Variants in RIT2 observed in about 807,000 individuals in gnomAD.
The protein encoded by RIT2 is GTP-binding protein Rit2.
In RIT2, 24 loss-of-function variants were observed where a neutral mutation model predicts 23.7. The observed-to-expected ratio is 1.01, with a 90% CI of 0.73 to 1.43. The LOEUF (loss-of-function observed/expected upper bound fraction) is 1.43, where lower values mean the gene tolerates loss of function less well. RIT2 is among the 40% of genes most tolerant of loss of function. The pLI, the probability that RIT2 is intolerant of heterozygous loss-of-function variation, is 0.00. For synonymous variants in RIT2, 107 were observed against 91.1 expected, an observed-to-expected ratio of 1.17 and a Z score of -0.99; for missense variants, 236 against 266.9, an observed-to-expected ratio of 0.88 and a Z score of 0.81.
At chr18:43,058,012 G>T (rs1912550218) in intron 1 of RIT2, among the ~76,000 whole-genome samples, 2 of 152,094 alleles carry the variant, frequency 1.3e-5, no homozygotes, top group Admixed American at 6.6e-5. Flanking sequence ...GTATCAGGAA[G>T]ATTTTAATTT....
At chr18:42,965,578 G>A (rs1414817369) in intron 3 of RIT2, among the ~76,000 whole-genome samples, 1 of 151,556 alleles carries the variant, frequency 6.6e-6, no homozygotes, top group Non-Finnish European at 1.5e-5. Flanking sequence ...GTAAATCAAG[G>A]AAAAGCTGAA....
At chr18:43,077,613 T>A (rs1340941632) in intron 1 of RIT2, among the ~76,000 whole-genome samples, 1 of 152,220 alleles carries the variant, frequency 6.6e-6, no homozygotes, top group Non-Finnish European at 1.5e-5. Flanking sequence ...TAACTGGCTT[T>A]ACGGCTATGA....
rs11393575 is a variant in RIT2 at position 43,057,798 on chromosome 18, C to CTTTTTTTTTTTTTTTT, written c.104-23947_104-23932dup. On this transcript the variant is annotated intron_variant, in intron 1 of 4. Transcript: ENST00000326695. ...GAGCTAATCTTCCAAGTGATGGACA[C>CTTTTTTTTTTTTTTTT]TTTTTTTTTTTTTTTTTATCATCTA... Among the ~76,000 whole-genome samples the CTTTTTTTTTTTTTTTT allele has an allele frequency of 2.6e-3, 314 of 122,568 alleles. 21 individuals are homozygous for CTTTTTTTTTTTTTTTT. The highest frequency in any genetic ancestry group is 7.0e-3 in the African/African-American group (229 of 32,900). The allele number at this position is 122,568 out of a possible 152,430, so 80.4% of individuals were successfully genotyped here.
chr18:42,927,523 C>T (rs1239485573), intron 3 of RIT2, among the ~76,000 whole-genome samples: 1 of 151,794 alleles, frequency 6.6e-6, no homozygotes, highest in Non-Finnish European at 1.5e-5. Context: ...AGGAAAAATG[C>T]TGTGTTCAAC....
At chr18:43,075,473 CTG>C (rs1242714709) in intron 1 of RIT2, among the ~76,000 whole-genome samples, 4 of 152,078 alleles carry the variant, frequency 2.6e-5, no homozygotes, top group Admixed American at 2.6e-4. Context: ...AGTTTAGAAA[CTG>C]TGAGAGGCTT....
chr18:42,878,439 A>C (rs2144074518), intron 4 of RIT2, among the ~76,000 whole-genome samples: 1 of 152,090 alleles, frequency 6.6e-6, no homozygotes, highest in South Asian at 2.1e-4. Flanking sequence ...CTTCAGGTTG[A>C]GTAGGCTGAG....
chr18:43,073,834 A>G (rs2144338573), intron 1 of RIT2, among the ~76,000 whole-genome samples: 1 of 152,332 alleles, frequency 6.6e-6, no homozygotes, highest in East Asian at 1.9e-4. Context: ...TGCATAAGAA[A>G]AAAATTAGAA....
intron 4 of RIT2, among the ~76,000 whole-genome samples, chr18:42,756,559 C>T (rs573684298): frequency 2.6e-5 from 4 of 152,196 alleles, no homozygotes; most frequent in African/African-American, 9.6e-5. Flanking sequence ...TTGAATTTTT[C>T]TCCTAAAGAT....
chr18:42,805,345 A>G (rs1905653178), intron 4 of RIT2, among the ~76,000 whole-genome samples: 1 of 152,192 alleles, frequency 6.6e-6, no homozygotes, highest in South Asian at 2.1e-4. Context: ...TTGAAATGTA[A>G]TATGTTGCAA....
intron 1 of RIT2, among the ~76,000 whole-genome samples, chr18:43,043,731 A>G (rs1311680502): frequency 6.6e-6 from 1 of 152,162 alleles, no homozygotes. Flanking sequence ...TGGAGGTTGC[A>G]GTGAGCTGAG....
At chr18:42,985,793 A>G (rs1910694740) in intron 2 of RIT2, among the ~76,000 whole-genome samples, 1 of 152,070 alleles carries the variant, frequency 6.6e-6, no homozygotes, top group South Asian at 2.1e-4. Context: ...CAATAAAGCA[A>G]ATAGGAGATA....
chr18:43,074,298 T>C (rs923341609), intron 1 of RIT2, among the ~76,000 whole-genome samples: 1 of 152,230 alleles, frequency 6.6e-6, no homozygotes, highest in African/African-American at 2.4e-5. Flanking sequence ...CAGATTTTTC[T>C]TTGCGTATGT....
chr18:42,870,352 T>A (rs990477026), intron 4 of RIT2, among the ~76,000 whole-genome samples: 7 of 152,138 alleles, frequency 4.6e-5, no homozygotes, highest in Admixed American at 4.6e-4. Flanking sequence ...GCGATTCTCC[T>A]GCCTCAGCCT....
intron 2 of RIT2, among the ~76,000 whole-genome samples, chr18:42,986,367 CA>C (rs5824461): frequency 0.95 from 144,795 of 152,118 alleles, 69,302 homozygotes; most frequent in East Asian, 1. Context: ...AAATCATTCA[CA>C]AAAAGGCAAC....
intron 4 of RIT2, among the ~76,000 whole-genome samples, chr18:42,890,562 A>G (rs1202500816): frequency 6.6e-6 from 1 of 151,758 alleles, no homozygotes; most frequent in African/African-American, 2.4e-5. Context: ...GATGGAAAGG[A>G]GGGAAGAAGA....
At chr18:42,853,329 C>A (rs559776932) in intron 4 of RIT2, among the ~76,000 whole-genome samples, 1 of 152,316 alleles carries the variant, frequency 6.6e-6, no homozygotes, top group Non-Finnish European at 1.5e-5. Flanking sequence ...ACAAGCTACG[C>A]TATACTTTTA....
At chr18:42,942,550 C>A (rs1274846235) in intron 3 of RIT2, among the ~76,000 whole-genome samples, 1 of 152,100 alleles carries the variant, frequency 6.6e-6, no homozygotes. Context: ...GAAAAAATAT[C>A]TGGCCACCGT....
At chr18:42,836,845 A>G (rs1197286439) in intron 4 of RIT2, among the ~76,000 whole-genome samples, 11 of 152,176 alleles carry the variant, frequency 7.2e-5, no homozygotes, top group Admixed American at 7.2e-4. Flanking sequence ...TTTGCATAAG[A>G]ATTTAATCAA....
chr18:42,787,689 C>T (rs1208872884), intron 4 of RIT2, among the ~76,000 whole-genome samples: 1 of 152,074 alleles, frequency 6.6e-6, no homozygotes, highest in Non-Finnish European at 1.5e-5. Context: ...AGGAGACAAG[C>T]ATATGTCTTT....
Sources: gnomAD v4.1 joint callset for allele counts (sites outside exome capture counted in the v4.1 genomes callset) on GRCh38, gnomAD v4.1.1 for gene constraint, MANE v1.5 for transcripts, NCBI Gene and HGNC (gene_info 2026-07-23, HGNC 2026-07-21) for gene names.